PARD3: variants seen among roughly 807,000 people sequenced by gnomAD.
PARD3 encodes par-3 family cell polarity regulator, also known as partitioning defective 3 homolog.
In PARD3, 75 loss-of-function variants were observed where a neutral mutation model predicts 155.4. The ratio of observed to expected loss-of-function variants is 0.48; its 90% CI spans 0.40 to 0.58. The LOEUF is 0.58. Among genes scored for constraint, PARD3 ranks in the 20% least tolerant of loss-of-function variants. PARD3 has a pLI of 0.00. For missense variants in PARD3, 1,642 were observed against 1,721.7 expected, an observed-to-expected ratio of 0.95 and a Z score of 0.82; for synonymous variants, 576 against 610.5, an observed-to-expected ratio of 0.94 and a Z score of 0.83.
intron 22 of PARD3, among the ~76,000 whole-genome samples, chr10:34,254,537 C>T (rs1374880466): frequency 6.9e-6 from 1 of 145,490 alleles, no homozygotes; most frequent in Non-Finnish European, 1.5e-5. Flanking sequence ...GGTAGGTAAA[C>T]GTGTGTGTGT....
intron 2 of PARD3, among the ~76,000 whole-genome samples, chr10:34,670,635 G>A (rs1041668140): frequency 6.6e-6 from 1 of 152,172 alleles, no homozygotes; most frequent in Non-Finnish European, 1.5e-5. Flanking sequence ...TGGGATGTAT[G>A]AGTGTGTGCA....
At chr10:34,542,569 C>T (rs2083719742) in intron 2 of PARD3, among the ~76,000 whole-genome samples, 1 of 152,156 alleles carries the variant, frequency 6.6e-6, no homozygotes, top group Non-Finnish European at 1.5e-5. Context: ...ATACTTCATC[C>T]CATCTGGTGA....
At chr10:34,509,272 T>G (rs1029543730) in intron 3 of PARD3, among the ~76,000 whole-genome samples, 1 of 152,064 alleles carries the variant, frequency 6.6e-6, no homozygotes, top group Admixed American at 6.6e-5. Context: ...GAGAGATACA[T>G]TTTAAGGTAT....
chr10:34,206,222 GTGGCACA>G (rs1416528974), intron 22 of PARD3, among the ~76,000 whole-genome samples: 3 of 152,230 alleles, frequency 2.0e-5, no homozygotes, highest in African/African-American at 7.2e-5. Flanking sequence ...GTGGCAGTCA[GTGGCACA>G]GGCTGCTTGC....
At chr10:34,372,578 G>A (rs757544645) in intron 11 of PARD3, 42 bp from the exon 12 acceptor site, 8 of 1,452,640 alleles carry the variant, frequency 5.5e-6, no homozygotes. Context: ...ACTGACCAAA[G>A]CCATCTTCAA....
intron 19 of PARD3, among the ~76,000 whole-genome samples, chr10:34,328,416 G>A (rs1019326130): frequency 6.6e-6 from 1 of 152,110 alleles, no homozygotes; most frequent in African/African-American, 2.4e-5. Context: ...GTTAAACTAG[G>A]AAGGACTTCG....
intron 2 of PARD3, among the ~76,000 whole-genome samples, chr10:34,620,124 C>T (rs2091554907): frequency 6.6e-6 from 1 of 152,108 alleles, no homozygotes; most frequent in South Asian, 2.1e-4. Context: ...CCATATATGC[C>T]CAGATCATCA....
At chr10:34,411,622 G>C (rs1845062400) in intron 5 of PARD3, among the ~76,000 whole-genome samples, 1 of 151,980 alleles carries the variant, frequency 6.6e-6, no homozygotes, top group African/African-American at 2.4e-5. Flanking sequence ...TTCTCCTGGG[G>C]GTCCTGCTTG....
intron 2 of PARD3, among the ~76,000 whole-genome samples, chr10:34,591,891 T>A (rs1211504171): frequency 3.9e-5 from 6 of 152,130 alleles, no homozygotes; most frequent in Non-Finnish European, 5.9e-5. Flanking sequence ...ATCATGATTA[T>A]CACGCCCTGT....
intron 21 of PARD3, among the ~76,000 whole-genome samples, chr10:34,271,802 T>C (rs1782364773): frequency 6.6e-6 from 1 of 152,142 alleles, no homozygotes; most frequent in Non-Finnish European, 1.5e-5. Flanking sequence ...CCAAAGAATC[T>C]ACAAAAATCT....
At chr10:34,375,024 C>T in intron 10 of PARD3, 22 bp from the exon 11 acceptor site, 1 of 1,591,042 alleles carries the variant, frequency 6.3e-7, no homozygotes. Context: ...CAAAAGTTTT[C>T]AGCTGTAATC....
chr10:34,380,785 G>A (rs533017727), intron 9 of PARD3, among the ~76,000 whole-genome samples: 1 of 152,092 alleles, frequency 6.6e-6, no homozygotes, highest in Non-Finnish European at 1.5e-5. Flanking sequence ...AAAAGGAAAA[G>A]ATATTTATGA....
chr10:34,169,725 G>T (rs1949699581), intron 22 of PARD3, among the ~76,000 whole-genome samples: 1 of 152,202 alleles, frequency 6.6e-6, no homozygotes, highest in African/African-American at 2.4e-5. Flanking sequence ...CCTAAAGAAT[G>T]GAGTGAAAGA....
chr10:34,231,956 T>C (rs997054856), intron 22 of PARD3, among the ~76,000 whole-genome samples: 13 of 152,118 alleles, frequency 8.5e-5, no homozygotes, highest in African/African-American at 2.4e-5. Context: ...TCCTTAATTA[T>C]AGCAGCAAAG....
At chr10:34,337,872 AT>A (rs1836363272) in intron 16 of PARD3, among the ~76,000 whole-genome samples, 1 of 152,242 alleles carries the variant, frequency 6.6e-6, no homozygotes. Context: ...TAGCCTTCTT[AT>A]GTATCTTTTA....
intron 1 of PARD3, among the ~76,000 whole-genome samples, chr10:34,725,415 A>G (rs2094689823): frequency 6.6e-6 from 1 of 152,128 alleles, no homozygotes; most frequent in Non-Finnish European, 1.5e-5. Context: ...TCGGCCTCCC[A>G]AAGTGCTAAG....
intron 24 of PARD3, among the ~76,000 whole-genome samples, chr10:34,117,703 G>T (rs1260783790): frequency 6.6e-6 from 1 of 152,316 alleles, no homozygotes; most frequent in Non-Finnish European, 1.5e-5. Context: ...CTTGAGGCCA[G>T]GGGTTCGAAA....
intron 24 of PARD3, among the ~76,000 whole-genome samples, chr10:34,111,874 T>G (rs1946402068): frequency 6.6e-6 from 1 of 152,132 alleles, no homozygotes; most frequent in South Asian, 2.1e-4. Flanking sequence ...TACCAATATC[T>G]CCTGCAATTT....
intron 23 of PARD3, among the ~76,000 whole-genome samples, chr10:34,128,488 T>C (rs1321113103): frequency 6.6e-6 from 1 of 152,218 alleles, no homozygotes; most frequent in East Asian, 1.9e-4. Flanking sequence ...CAACTGTCTA[T>C]GTTACTGGTA....
Sources: allele counts gnomAD v4.1 joint callset (sites outside exome capture counted in the v4.1 genomes callset), GRCh38; gene constraint gnomAD v4.1.1; transcripts MANE v1.5; gene names NCBI Gene and HGNC (gene_info 2026-07-23, HGNC 2026-07-21).